HDAC9: variants seen among roughly 807,000 people sequenced by gnomAD.
HDAC9 encodes the protein MEF-2 interacting transcription repressor (MITR) protein.
A neutral mutation model predicts 139.4 loss-of-function variants in HDAC9; 41 were observed. The observed-to-expected ratio is 0.29, with a 90% confidence interval of 0.23 to 0.38. The LOEUF (loss-of-function observed/expected upper bound fraction) is 0.38. Ranked by LOEUF, HDAC9 falls within the 10% of genes least tolerant of loss-of-function variation. HDAC9 has a pLI of 1.00. For missense variants in HDAC9, 1,147 were observed against 1,297.0 expected (o/e 0.88, Z 1.78); for synonymous variants, 517 against 476.2 (o/e 1.09, Z -1.12).
chr7:18,688,811 G>A (rs1255754266), intron 12 of HDAC9, among the ~76,000 whole-genome samples: 3 of 151,882 alleles, frequency 2.0e-5, no homozygotes, highest in Non-Finnish European at 4.4e-5. Flanking sequence ...AAAATGACAA[G>A]GACCCTAATG....
chr7:18,591,404 T>G (rs1283823869), intron 4 of HDAC9, 112 bp from the exon 5 acceptor site: 6 of 1,368,306 alleles, frequency 4.4e-6, no homozygotes, highest in South Asian at 1.9e-5. Flanking sequence ...ATTTTACTTC[T>G]TAATCTTTGT....
chr7:18,409,015 T>C (rs1261316630), intron 1 of HDAC9, among the ~76,000 whole-genome samples: 1 of 152,160 alleles, frequency 6.6e-6, no homozygotes, highest in Non-Finnish European at 1.5e-5. Flanking sequence ...ATGCCCTCCA[T>C]AAGGATGTGA....
At chr7:18,430,676 G>C (rs1235550048) in intron 1 of HDAC9, 1 of 151,970 alleles carries the variant, frequency 6.6e-6, no homozygotes, top group Admixed American at 6.6e-5. Flanking sequence ...GTGGCCAGTA[G>C]TTGGAGACCA....
At chr7:18,131,345 A>T (rs1784988513) in intron 1 of HDAC9, among the ~76,000 whole-genome samples, 1 of 152,134 alleles carries the variant, frequency 6.6e-6, no homozygotes, top group East Asian at 1.9e-4. Context: ...TAATAGCAAA[A>T]TTTGGTTGTT....
chr7:18,302,734 A>G (rs1300376633), intron 1 of HDAC9, among the ~76,000 whole-genome samples: 2 of 152,176 alleles, frequency 1.3e-5, no homozygotes, highest in African/African-American at 4.8e-5. Flanking sequence ...AAAGCTAGAA[A>G]CAAACCTTCT....
intron 2 of HDAC9, among the ~76,000 whole-genome samples, chr7:18,236,413 G>T (rs907359810): frequency 6.6e-6 from 1 of 152,192 alleles, no homozygotes; most frequent in East Asian, 1.9e-4. Flanking sequence ...CTTATTCCAA[G>T]TTGACAGAGT....
intron 8 of HDAC9, 125 bp downstream of exon 8, chr7:18,634,867 T>C: frequency 8.1e-6 from 5 of 620,862 alleles, no homozygotes; most frequent in African/African-American, 1.9e-5. Flanking sequence ...GTTTACTCAG[T>C]TCCACATATT....
intron 1 of HDAC9, among the ~76,000 whole-genome samples, chr7:18,158,745 C>T (rs1376799234): frequency 1.3e-5 from 2 of 152,168 alleles, no homozygotes; most frequent in Non-Finnish European, 1.5e-5. Context: ...GAGAAGGCCA[C>T]ATAGGTGGAA....
intron 21 of HDAC9, among the ~76,000 whole-genome samples, chr7:18,863,718 T>A (rs1191228155): frequency 1.3e-5 from 2 of 152,034 alleles, no homozygotes; most frequent in Non-Finnish European, 2.9e-5. Flanking sequence ...AGGTAAGTGT[T>A]ATGGTGAAAA....
chr7:18,176,762 A>T (rs1788939267), intron 2 of HDAC9, among the ~76,000 whole-genome samples: 1 of 152,058 alleles, frequency 6.6e-6, no homozygotes, highest in Non-Finnish European at 1.5e-5. Flanking sequence ...GATAATTTTT[A>T]TGTTATTTTT....
intron 7 of HDAC9, among the ~76,000 whole-genome samples, chr7:18,631,109 A>G (rs974309745): frequency 1.3e-5 from 2 of 152,070 alleles, no homozygotes. Flanking sequence ...TCCGTACCAA[A>G]TTGCAGTGGC....
chr7:18,593,813 C>G (rs1359746424), intron 5 of HDAC9, 95 bp from the exon 6 acceptor site: 1 of 1,322,532 alleles, frequency 7.6e-7, no homozygotes. Context: ...ATAAACATAG[C>G]TGAGGCACGT....
Position 18,277,332 on chromosome 7 carries a change from T to C in HDAC9, c.25+114983T>C, listed in dbSNP as rs139256612. Among the ~76,000 whole-genome samples, 1,032 of 152,228 alleles carry C rather than the reference T, an allele frequency of 6.8e-3. 6 individuals are homozygous for C. The highest frequency in any genetic ancestry group is 0.012 in the Non-Finnish European group (787 of 68,012). ...TGGCAGAGAAGGCAACTGATCCATG[T>C]CTTAAAAAGTGCATGTGCCTTTACC... On this transcript the variant is annotated intron_variant, in intron 2 of 12. Transcript: ENST00000417496.
At chr7:18,749,712 A>T (rs755712256) in intron 14 of HDAC9, among the ~76,000 whole-genome samples, 3 of 152,148 alleles carry the variant, frequency 2.0e-5, no homozygotes, top group African/African-American at 7.2e-5. Flanking sequence ...ATACCTTTTT[A>T]TGCTTTCAAA....
chr7:18,811,917 T>G (rs1233408895), intron 17 of HDAC9, among the ~76,000 whole-genome samples: 1 of 151,662 alleles, frequency 6.6e-6, no homozygotes, highest in Non-Finnish European at 1.5e-5. Flanking sequence ...TCCCTTGATA[T>G]ATTCACAGGG....
At chr7:18,850,747 A>T (rs992367991) in intron 21 of HDAC9, among the ~76,000 whole-genome samples, 5 of 152,150 alleles carry the variant, frequency 3.3e-5, no homozygotes, top group Non-Finnish European at 5.9e-5. Context: ...TAAACAACAG[A>T]AATGTATTTT....
At chr7:18,617,731 T>C (rs2128930329) in intron 6 of HDAC9, among the ~76,000 whole-genome samples, 1 of 152,330 alleles carries the variant, frequency 6.6e-6, no homozygotes, top group Non-Finnish European at 1.5e-5. Flanking sequence ...TATTTATTAT[T>C]GTATCCCCAG....
At chr7:18,150,368 G>A (rs1199947314) in intron 1 of HDAC9, among the ~76,000 whole-genome samples, 1 of 152,162 alleles carries the variant, frequency 6.6e-6, no homozygotes, top group Non-Finnish European at 1.5e-5. Context: ...AAACTTTAGA[G>A]ATGATCTGGT....
intron 24 of HDAC9, among the ~76,000 whole-genome samples, chr7:18,970,719 T>C (rs1456040139): frequency 6.6e-6 from 1 of 152,068 alleles, no homozygotes; most frequent in African/African-American, 2.4e-5. Context: ...TTGAAGGAGA[T>C]AGCAAGAGGT....
Sources: gnomAD v4.1 joint callset for allele counts (sites outside exome capture counted in the v4.1 genomes callset) on GRCh38, gnomAD v4.1.1 for gene constraint, MANE v1.5 for transcripts, NCBI Gene and HGNC (gene_info 2026-07-23, HGNC 2026-07-21) for gene names.